The following KIAA1328 variants were observed in gnomAD, a reference collection of about 807,000 sequenced individuals.
The protein encoded by KIAA1328 is protein hinderin.
KIAA1328 carries 52 observed loss-of-function variants against 68.1 expected under a neutral mutation model. That is an observed-to-expected ratio of 0.76 (90% CI 0.61 to 0.96). The LOEUF (loss-of-function observed/expected upper bound fraction) is 0.96. KIAA1328 is among the 40% of genes least tolerant of loss of function. The pLI, the probability that KIAA1328 is intolerant of heterozygous loss-of-function variation, is 0.00. For synonymous variants in KIAA1328, 232 were observed against 239.4 expected (o/e 0.97, Z 0.28); for missense variants, 641 against 677.6 (o/e 0.95, Z 0.60).
chr18:37,121,062 A>G (rs1313535402), intron 7 of KIAA1328, among the ~76,000 whole-genome samples: 1 of 152,126 alleles, frequency 6.6e-6, no homozygotes, highest in African/African-American at 2.4e-5. Context: ...AATTATAATG[A>G]AAAGAATAAA....
rs758828744 is a variant in KIAA1328 at position 37,067,102 on chromosome 18, A to G, written c.789A>G (p.Pro263=). 9 of 1,613,938 alleles carry G rather than the reference A, an allele frequency of 5.6e-6. No individual in the cohort carries two copies. The highest frequency in any genetic ancestry group is 1.3e-5 in the African/African-American group (1 of 74,946). Residue 263 remains proline, a synonymous_variant, in exon 7 of 10, where the codon CCA becomes CCG. Coordinates refer to ENST00000280020, the MANE Select transcript of KIAA1328 (RefSeq NM_020776.3). ...HHPKDDLDKI[P]SETTTCNCES... ...CCAAAGATGATCTAGATAAGATACC[A>G]TCAGAGACCACAACATGTAATTGTG...
chr18:36,965,944 G>A (rs1242468700), intron 6 of KIAA1328, among the ~76,000 whole-genome samples: 2 of 151,452 alleles, frequency 1.3e-5, no homozygotes, highest in African/African-American at 2.4e-5. Flanking sequence ...ACTAAAGAAG[G>A]TGTGAGGCAC....
intron 6 of KIAA1328, among the ~76,000 whole-genome samples, chr18:36,961,023 T>A (rs2051645942): frequency 6.6e-6 from 1 of 152,146 alleles, no homozygotes; most frequent in Non-Finnish European, 1.5e-5. Flanking sequence ...TTCTCTGAGC[T>A]AAAGGAGCAT....
At chr18:37,054,672 A>G (rs1599099168) in intron 6 of KIAA1328, among the ~76,000 whole-genome samples, 1 of 152,156 alleles carries the variant, frequency 6.6e-6, no homozygotes, top group Non-Finnish European at 1.5e-5. Flanking sequence ...ATGGGAGTGG[A>G]AGAGTGGGGA....
chr18:36,877,567 T>G (rs1338826317), intron 4 of KIAA1328, among the ~76,000 whole-genome samples: 5 of 151,140 alleles, frequency 3.3e-5, no homozygotes, highest in Admixed American at 6.6e-5. Context: ...CTTCATCCCT[T>G]TATTTTGAGC....
intron 7 of KIAA1328, chr18:37,075,204 A>G (rs1417652970): frequency 1.3e-5 from 2 of 152,008 alleles, no homozygotes; most frequent in Non-Finnish European, 2.9e-5. Flanking sequence ...AAGAATTTTC[A>G]ACCCAGAATT....
chr18:37,178,909 AT>A (rs2059646231), intron 9 of KIAA1328, among the ~76,000 whole-genome samples: 1 of 151,954 alleles, frequency 6.6e-6, no homozygotes, highest in Non-Finnish European at 1.5e-5. Context: ...TCTTTAACCT[AT>A]TTTTTTAGTC....
chr18:36,854,119 C>T (rs374400237), intron 4 of KIAA1328, among the ~76,000 whole-genome samples: 6 of 152,090 alleles, frequency 3.9e-5, no homozygotes, highest in African/African-American at 9.7e-5. Flanking sequence ...TCCAACATGA[C>T]GGTTACCTAT....
chr18:37,038,656 A>G (rs1356002052), intron 6 of KIAA1328, among the ~76,000 whole-genome samples: 1 of 152,166 alleles, frequency 6.6e-6, no homozygotes, highest in Non-Finnish European at 1.5e-5. Context: ...GCACCTGTGA[A>G]TAAAATGTTT....
chr18:37,018,434 T>G (rs2054228234), intron 6 of KIAA1328, among the ~76,000 whole-genome samples: 2 of 152,182 alleles, frequency 1.3e-5, no homozygotes, highest in South Asian at 4.1e-4. Context: ...CTTCTGACTA[T>G]TATATACCTT....
At chr18:37,101,685 C>G (rs970164142) in intron 7 of KIAA1328, among the ~76,000 whole-genome samples, 7 of 152,100 alleles carry the variant, frequency 4.6e-5, no homozygotes, top group Admixed American at 4.6e-4. Context: ...AGATACTCCT[C>G]AAGAAGAGCA....
At chr18:37,169,136 T>TTTTATTTATTTA (rs202034975) in intron 8 of KIAA1328, among the ~76,000 whole-genome samples, 135 of 148,972 alleles carry the variant, frequency 9.1e-4, no homozygotes, top group African/African-American at 2.7e-3. Context: ...CTTAACAGCA[T>TTTTATTTATTTA]TTTATTTATT....
chr18:36,994,265 C>T (rs1384697235), intron 6 of KIAA1328, among the ~76,000 whole-genome samples: 1 of 152,070 alleles, frequency 6.6e-6, no homozygotes, highest in Non-Finnish European at 1.5e-5. Flanking sequence ...TCAAGCTAGT[C>T]TAAAGGAAAG....
intron 8 of KIAA1328, among the ~76,000 whole-genome samples, chr18:37,160,835 G>A (rs531844232): frequency 6.6e-6 from 1 of 152,248 alleles, no homozygotes; most frequent in South Asian, 2.1e-4. Flanking sequence ...CAAGTCTAAA[G>A]CATTTTTTGC....
intron 9 of KIAA1328, among the ~76,000 whole-genome samples, chr18:37,209,177 AAAG>A (rs1307773466): frequency 2.0e-5 from 3 of 152,282 alleles, no homozygotes; most frequent in Admixed American, 1.3e-4. Flanking sequence ...TTTTTTTGTA[AAAG>A]AAGAATTGAT....
At chr18:37,013,164 T>C (rs1407988712) in intron 6 of KIAA1328, among the ~76,000 whole-genome samples, 1 of 152,162 alleles carries the variant, frequency 6.6e-6, no homozygotes, top group Non-Finnish European at 1.5e-5. Context: ...CTGTGGACTT[T>C]CAGAGACAGG....
chr18:37,061,827 T>C (rs1353159692), intron 6 of KIAA1328, among the ~76,000 whole-genome samples: 1 of 152,182 alleles, frequency 6.6e-6, no homozygotes, highest in Admixed American at 6.5e-5. Flanking sequence ...CCATACCCCA[T>C]CTTGAATTTT....
intron 7 of KIAA1328, among the ~76,000 whole-genome samples, chr18:37,119,448 G>A (rs1263262708): frequency 6.6e-6 from 1 of 152,144 alleles, no homozygotes; most frequent in African/African-American, 2.4e-5. Flanking sequence ...AGATCAGAGT[G>A]ACAGCATGGT....
chr18:37,198,497 G>A (rs2060045258), intron 9 of KIAA1328, among the ~76,000 whole-genome samples: 1 of 152,148 alleles, frequency 6.6e-6, no homozygotes, highest in South Asian at 2.1e-4. Flanking sequence ...TATTGGAGTG[G>A]TAGAAGGTAG....
Sources: gnomAD v4.1 joint callset for allele counts (sites outside exome capture counted in the v4.1 genomes callset) on GRCh38, gnomAD v4.1.1 for gene constraint, MANE v1.5 for transcripts, NCBI Gene and HGNC (gene_info 2026-07-23, HGNC 2026-07-21) for gene names.